Variants in DDX60 observed in about 807,000 individuals in gnomAD.
The protein encoded by DDX60 is probable ATP-dependent RNA helicase DDX60.
DDX60 carries 165 observed loss-of-function variants against 212.8 expected under a neutral mutation model. That is an observed-to-expected ratio of 0.78 (90% CI 0.68 to 0.88). The LOEUF (loss-of-function observed/expected upper bound fraction) is 0.88, where lower values mean the gene tolerates loss of function less well. DDX60 is among the 40% of genes least tolerant of loss of function. The pLI, the probability that DDX60 is intolerant of heterozygous loss-of-function variation, is 0.00. For synonymous variants in DDX60, 703 were observed against 685.3 expected, an observed-to-expected ratio of 1.03 and a Z score of -0.40; for missense variants, 1,905 against 2,003.9, an observed-to-expected ratio of 0.95 and a Z score of 0.94.
rs373625618 is a variant in DDX60 at position 168,311,246 on chromosome 4, G to A, written c.4+10C>T. 1.2e-6 allele frequency: 2 copies of A among 1,611,524 alleles called. No individual in the cohort carries two copies. Among genetic ancestry groups the A allele is most frequent in the African/African-American group, 2.7e-5 (2 of 74,812 alleles). On this transcript the variant is annotated intron_variant, in intron 2 of 37. Coordinates refer to ENST00000393743, the MANE Select transcript of DDX60 (RefSeq NM_017631.6). The stretch of plus-strand genomic sequence containing the variant: ...TTTATAATCTATAAATATTTTAAGT[G>A]GAAAATTACCCATTCTTGCTGCTGC...
chr4:168,308,027 T>C lies in DDX60; in HGVS notation c.243A>G (p.Gln81=). The C allele has an allele frequency of 6.3e-7, 1 of 1,595,734 alleles. No individual in the cohort carries two copies. Among genetic ancestry groups the C allele is most frequent in the South Asian group, 1.2e-5 (1 of 85,712 alleles). Residue 81 remains glutamine, a synonymous_variant, in exon 4 of 38, where the codon CAA becomes CAG. Coordinates refer to ENST00000393743, the MANE Select transcript of DDX60 (RefSeq NM_017631.6). ...YLVDLISKGG[Q]FTIVFFKDAE... ...TTACCTTGAAGAAAACTATGGTGAA[T>C]TGTCCTCCTTTGCTAATAAGATCCA...
intron 10 of DDX60, among the ~76,000 whole-genome samples, chr4:168,285,969 T>TGAAA (rs149956197): frequency 0.055 from 6,098 of 110,898 alleles, 202 homozygotes; most frequent in Middle Eastern, 0.1. Flanking sequence ...AAGGAAAGAA[T>TGAAA]GAAAGAAAGA....
chr4:168,274,618 C>T (rs1319797462), intron 16 of DDX60, among the ~76,000 whole-genome samples: 1 of 152,146 alleles, frequency 6.6e-6, no homozygotes, highest in African/African-American at 2.4e-5. Context: ...GGCCACACCT[C>T]AGCGTGAATT....
upstream of DDX60, among the ~76,000 whole-genome samples, chr4:168,319,592 A>G (rs546025613): frequency 4.6e-5 from 7 of 152,356 alleles, no homozygotes; most frequent in African/African-American, 1.7e-4. Context: ...TTTGTGCCTC[A>G]AATTGATGAA....
At chr4:168,315,672 T>C (rs1410185586) in intron 1 of DDX60, among the ~76,000 whole-genome samples, 2 of 152,114 alleles carry the variant, frequency 1.3e-5, no homozygotes, top group Admixed American at 6.5e-5. Context: ...TGAGAACATG[T>C]GGTGTTTGGT....
intron 3 of DDX60, among the ~76,000 whole-genome samples, chr4:168,310,515 G>C (rs779375440): frequency 1.3e-5 from 2 of 152,184 alleles, no homozygotes; most frequent in Admixed American, 6.5e-5. Flanking sequence ...CTTCATCCCA[G>C]AATCAAATAT....
rs751669020 is a variant in DDX60, at chr4:168,283,459, C to T, written c.1709G>A (p.Ser570Asn). ...KSKKDFSGPK[S>N]KKAHETKAEI... is the part of the protein sequence containing the mutation. The stretch of plus-strand genomic sequence containing the variant: ...TATAGAACCTACGTGTGCCTTTTTG[C>T]TCTTGGGCCCACTAAAATCCTTCTT... Residue 570 changes from serine (S) to asparagine (N), a missense_variant, in exon 13 of 38, where the codon AGC (serine) becomes AAC (asparagine). Transcript: ENST00000393743. The T allele has an allele frequency of 3.1e-6, 5 of 1,612,822 alleles. No individual in the cohort carries two copies. The highest frequency in any genetic ancestry group is 1.3e-5 in the African/African-American group (1 of 74,942).
Position 168,293,051 on chromosome 4 carries a change from G to A in DDX60, c.882+736C>T, listed in dbSNP as rs77366632. ...ACCTTCAGCCAAGAATCCCCCAGTAGGTAGATTGTATACAGAATAGTATGT... is the reference window on the plus strand; with the variant it reads ...ACCTTCAGCCAAGAATCCCCCAGTAAGTAGATTGTATACAGAATAGTATGT... On this transcript the variant is annotated intron_variant, in intron 7 of 37. Coordinates refer to ENST00000393743, the MANE Select transcript of DDX60 (RefSeq NM_017631.6). Among the ~76,000 whole-genome samples, 1,468 of 152,254 alleles carry A rather than the reference G, an allele frequency of 9.6e-3. 15 individuals are homozygous for A. The highest frequency in any genetic ancestry group is 0.033 in the African/African-American group (1,373 of 41,534).
chr4:168,224,219 T>G, intron 35 of DDX60, 24 bp downstream of exon 35: 1 of 1,610,928 alleles, frequency 6.2e-7, no homozygotes, highest in Non-Finnish European at 8.5e-7. Flanking sequence ...CAGCTTTTAT[T>G]AATAAACCCC....
chr4:168,256,730 T>C (rs1734427588), intron 25 of DDX60, among the ~76,000 whole-genome samples: 1 of 152,254 alleles, frequency 6.6e-6, no homozygotes, highest in Non-Finnish European at 1.5e-5. Context: ...CACTGCATCT[T>C]GGTGGCAAAA....
chr4:168,262,320 C>A (rs2149512159), intron 23 of DDX60, among the ~76,000 whole-genome samples, 192 bp from the exon 24 acceptor site: 1 of 151,814 alleles, frequency 6.6e-6, no homozygotes, highest in Non-Finnish European at 1.5e-5. Flanking sequence ...GGATACAAAG[C>A]AAAACAAAGT....
intron 8 of DDX60, 71 bp from the exon 9 acceptor site, chr4:168,288,386 T>A: frequency 9.1e-7 from 1 of 1,099,238 alleles, no homozygotes; most frequent in Non-Finnish European, 1.3e-6. Context: ...GTTCATATGC[T>A]TCTGAACTGA....
chr4:168,264,692 A>G lies in DDX60; in HGVS notation c.3040-1905T>C, dbSNP rs150945555. The stretch of plus-strand genomic sequence containing the variant: ...GATAACATATGTAACAGACTTAGTA[A>G]AATGCCTGGCATATGATTAATGCCA... On this transcript the variant is annotated intron_variant, in intron 22 of 37. Transcript: ENST00000393743. Among the ~76,000 whole-genome samples, 367 of 152,280 alleles carry G rather than the reference A, an allele frequency of 2.4e-3. 1 individual carries two copies. Among genetic ancestry groups the G allele is most frequent in the African/African-American group, 7.9e-3 (328 of 41,552 alleles).
At chr4:168,316,973 G>A (rs1379286550) in intron 1 of DDX60, among the ~76,000 whole-genome samples, 3 of 149,248 alleles carry the variant, frequency 2.0e-5, no homozygotes, top group Admixed American at 6.7e-5. Flanking sequence ...TAGAAGAATC[G>A]CTTGAACCTG....
intron 33 of DDX60, among the ~76,000 whole-genome samples, chr4:168,234,808 C>A (rs1368477175): frequency 6.6e-6 from 1 of 151,986 alleles, no homozygotes; most frequent in Non-Finnish European, 1.5e-5. Context: ...AGAGCGAATG[C>A]CCCCATTTTC....
intron 6 of DDX60, among the ~76,000 whole-genome samples, chr4:168,297,350 GA>G: frequency 2.5e-5 from 2 of 79,968 alleles, no homozygotes; most frequent in Non-Finnish European, 4.6e-5. Context: ...AAGAAAGAAA[GA>G]AAGAAAGAAA....
rs70961508 is a variant in DDX60, at chr4:168,297,297, CGAAAGAAAGAAAGAAAGAAAGAAAGAAA to C, written c.724-3380_724-3353del. Among the ~76,000 whole-genome samples, 665 of 67,448 alleles carry C rather than the reference CGAAAGAAAGAAAGAAAGAAAGAAAGAAA, an allele frequency of 9.9e-3. 10 individuals carry two copies. Among genetic ancestry groups the C allele is most frequent in the African/African-American group, 0.016 (268 of 16,246 alleles). 44.2% of individuals were successfully genotyped at this position (67,448 alleles called of 152,430 possible). ...AGAAAGAAAGAAAGAGAGAGAGAGA[CGAAAGAAAGAAAGAAAGAAAGAAAGAAA>C]GAAAGAAAGAAAGAAAGAAAGAAAG... On this transcript the variant is annotated intron_variant, in intron 6 of 37. Coordinates refer to ENST00000393743, the MANE Select transcript of DDX60 (RefSeq NM_017631.6).
chr4:168,302,624 T>C (rs1230527047), intron 5 of DDX60, among the ~76,000 whole-genome samples: 2 of 152,222 alleles, frequency 1.3e-5, no homozygotes, highest in Non-Finnish European at 2.9e-5. Context: ...ATATAGCGTA[T>C]TTTGTTTTTT....
chr4:168,325,951 G>C, the DDX60 span, among the ~76,000 whole-genome samples: 1 of 152,146 alleles, frequency 6.6e-6, no homozygotes, highest in Non-Finnish European at 1.5e-5. Flanking sequence ...TTCTGAAATT[G>C]TCCCACAGCA....
Sources: allele counts gnomAD v4.1 joint callset (sites outside exome capture counted in the v4.1 genomes callset), GRCh38; gene constraint gnomAD v4.1.1; transcripts MANE v1.5; gene names NCBI Gene and HGNC (gene_info 2026-07-23, HGNC 2026-07-21).